Variants in RPS6KA2 observed in about 807,000 individuals in gnomAD.
RPS6KA2 encodes ribosomal protein S6 kinase alpha-2.
In RPS6KA2, 42 loss-of-function variants were observed where a neutral mutation model predicts 91.8. The ratio of observed to expected loss-of-function variants is 0.46; its 90% CI spans 0.36 to 0.59. The LOEUF (loss-of-function observed/expected upper bound fraction) is 0.59. Ranked by LOEUF, RPS6KA2 falls within the 20% of genes least tolerant of loss-of-function variation. The probability of loss-of-function intolerance (pLI) is 0.00; values close to 1 mark genes in which losing one functional copy is unlikely to be tolerated. For missense variants in RPS6KA2, 798 were observed against 978.5 expected (o/e 0.82, Z 2.46); for synonymous variants, 414 against 393.6 (o/e 1.05, Z -0.61).
chr6:166,702,833 T>C, intron 2 of RPS6KA2: 1 of 1,008,944 alleles, frequency 9.9e-7, no homozygotes, highest in Non-Finnish European at 1.5e-6. Context: ...ATATACGGTT[T>C]GTTCATTGTG....
In RPS6KA2 at chr6:166,602,318, C is replaced by G. The variant is rs994041175; in HGVS notation, c.99+24603G>C. Among the ~76,000 whole-genome samples the G allele has an allele frequency of 2.0e-5, 3 of 152,224 alleles. No homozygotes were observed. The East Asian group carries it at 5.8e-4, about 29-fold the overall frequency. ...GGTAACATTTACTATAGTTGAAGAT[C>G]GTGTGCTCCATGACCCAGCAATCTC... On this transcript the variant is annotated intron_variant, in intron 1 of 20. Transcript: ENST00000265678.
intron 6 of RPS6KA2, among the ~76,000 whole-genome samples, chr6:166,502,482 G>A (rs571794688): frequency 6.6e-5 from 10 of 152,138 alleles, no homozygotes; most frequent in African/African-American, 2.2e-4. Flanking sequence ...TAGCTGTAAG[G>A]ATCACGCTGA....
At chr6:166,515,714 C>T (rs4327671) in intron 3 of RPS6KA2, among the ~76,000 whole-genome samples, 13,954 of 152,120 alleles carry the variant, frequency 0.092, 2,206 homozygotes, top group African/African-American at 0.32. Context: ...CAAAGAATGT[C>T]TCTGTGAAAG....
At chr6:166,745,761 G>A (rs557441468) in intron 2 of RPS6KA2, among the ~76,000 whole-genome samples, 123 of 152,308 alleles carry the variant, frequency 8.1e-4, no homozygotes, top group African/African-American at 2.7e-3. Context: ...TATCTACCTC[G>A]GGTGTGTGAG....
intron 2 of RPS6KA2, among the ~76,000 whole-genome samples, chr6:166,675,147 T>G (rs2128562599): frequency 6.6e-6 from 1 of 152,304 alleles, no homozygotes; most frequent in East Asian, 1.9e-4. Context: ...CTGCCCAGCT[T>G]GCCAGCAAGC....
Position 166,412,432 on chromosome 6 carries a change from C to A in RPS6KA2, c.*330G>T, listed in dbSNP as rs974880398. The stretch of plus-strand genomic sequence containing the variant: ...CCGGCTTCATAATTGGAAAACAGAT[C>A]TCTCGGCAGAAACAGAAGCCATGTA... On this transcript the variant is annotated 3_prime_UTR_variant, in exon 21 of 21. Coordinates refer to ENST00000265678, the MANE Select transcript of RPS6KA2 (RefSeq NM_021135.6). The surrounding 1 kb of genome is among the most constrained non-coding windows in gnomAD (Gnocchi z 4.3). 5 of 179,722 alleles carry A rather than the reference C, an allele frequency of 2.8e-5. No individual in the cohort carries two copies. The East Asian group carries it at 7.0e-4, about 25-fold the overall frequency. 11.1% of individuals were successfully genotyped at this position (179,722 alleles called of 1,614,324 possible).
At chr6:166,791,433 A>T (rs1367082759) in intron 2 of RPS6KA2, among the ~76,000 whole-genome samples, 2 of 152,194 alleles carry the variant, frequency 1.3e-5, no homozygotes, top group East Asian at 3.8e-4. Flanking sequence ...TTAACACCCC[A>T]CTGTTAACAT....
rs549205248 is a variant in RPS6KA2 at position 166,669,267 on chromosome 6, C to G, written c.124-130483G>C. 1.3e-3 allele frequency among the ~76,000 whole-genome samples: 203 copies of G among 152,244 alleles called. 1 individual carries two copies. The highest frequency in any genetic ancestry group is 4.1e-3 in the African/African-American group (171 of 41,546). On this transcript the variant is annotated intron_variant, in intron 2 of 21. Coordinates refer to the RPS6KA2 transcript ENST00000503859. ...CTGGGGGATCAGCACCTGCTCCTTC[C>G]CCCGGGCTGCCTGTCTCTCTGGCAC... is the stretch of plus-strand genomic sequence containing the variant.
At chr6:166,741,515 G>A (rs905857982) in intron 2 of RPS6KA2, among the ~76,000 whole-genome samples, 2 of 152,146 alleles carry the variant, frequency 1.3e-5, no homozygotes, top group African/African-American at 4.8e-5. Context: ...ATATTAAACC[G>A]GCACTCAAGT....
At chr6:166,469,323 G>GTTT (rs1173909271) in intron 11 of RPS6KA2, among the ~76,000 whole-genome samples, 97 of 101,468 alleles carry the variant, frequency 9.6e-4, no homozygotes, top group Non-Finnish European at 1.5e-3. Flanking sequence ...ACTCGGCACT[G>GTTT]TTGTTTTTTT....
chr6:166,538,605 C>G, intron 2 of RPS6KA2, 63 bp downstream of exon 2: 1 of 911,964 alleles, frequency 1.1e-6, no homozygotes, highest in Non-Finnish European at 1.8e-6. Flanking sequence ...TCCAGGGGGG[C>G]TCTGTCCAGG....
At chr6:166,809,041 TTAGCCAGAGTAGAAAGCTCAG>T (rs1779566824) in intron 2 of RPS6KA2, among the ~76,000 whole-genome samples, 2 of 152,256 alleles carry the variant, frequency 1.3e-5, no homozygotes, top group African/African-American at 4.8e-5. Context: ...AATAGATCAA[TTAGCCAGAGTAGAAAGCTCAG>T]AGAGAGACCA....
intron 2 of RPS6KA2, among the ~76,000 whole-genome samples, chr6:166,675,614 G>A (rs1162314973): frequency 6.6e-6 from 1 of 151,024 alleles, no homozygotes; most frequent in East Asian, 1.9e-4. Flanking sequence ...TTCTCGGTGG[G>A]TTAAGACATA....
At chr6:166,850,284 T>G (rs1487479397) in intron 2 of RPS6KA2, among the ~76,000 whole-genome samples, 1 of 151,982 alleles carries the variant, frequency 6.6e-6, no homozygotes, top group Non-Finnish European at 1.5e-5. Flanking sequence ...CCTTGCATCT[T>G]ACCCAAACAC....
Position 166,419,686 on chromosome 6 carries a change from T to C in RPS6KA2, c.1820+196A>G, listed in dbSNP as rs186820304. On this transcript the variant is annotated intron_variant, in intron 18 of 20. Transcript: ENST00000265678. This position sits in a 1 kb window ranked among gnomAD's most constrained non-coding sequence, Gnocchi z 5.6. Reference sequence around the variant, plus strand: ...AGAAAATGGGTGGCTACATTTCTTGTCCTTGTTGTTCAGTTGTCCTGAGGG... The same window carrying C: ...AGAAAATGGGTGGCTACATTTCTTGCCCTTGTTGTTCAGTTGTCCTGAGGG... 6.6e-6 allele frequency among the ~76,000 whole-genome samples: 1 copy of C among 152,366 alleles called. No individual in the cohort carries two copies. Among genetic ancestry groups the C allele is most frequent in the East Asian group, 1.9e-4 (1 of 5,186 alleles).
At chr6:166,646,364 A>G (rs1787601779) in intron 2 of RPS6KA2, among the ~76,000 whole-genome samples, 1 of 152,186 alleles carries the variant, frequency 6.6e-6, no homozygotes, top group Non-Finnish European at 1.5e-5. Flanking sequence ...TGAGAGCCAA[A>G]CCTTCCAAGA....
At chr6:166,479,248 G>A (rs1781097054) in intron 10 of RPS6KA2, among the ~76,000 whole-genome samples, 1 of 152,188 alleles carries the variant, frequency 6.6e-6, no homozygotes, top group Non-Finnish European at 1.5e-5. Context: ...GGTCCCCAGA[G>A]CCTAGCCCAC....
intron 2 of RPS6KA2, among the ~76,000 whole-genome samples, chr6:166,848,293 C>CTT (rs1355944050): frequency 6.6e-6 from 1 of 152,136 alleles, no homozygotes; most frequent in African/African-American, 2.4e-5. Context: ...AAAGGGAACA[C>CTT]TTTTACACTG....
At chr6:166,497,967 G>A (rs1373966388) in intron 8 of RPS6KA2, among the ~76,000 whole-genome samples, 6 of 152,160 alleles carry the variant, frequency 3.9e-5, no homozygotes, top group African/African-American at 1.4e-4. Context: ...CTGGGAGAGT[G>A]GGATTGGGGG....
Sources: allele counts gnomAD v4.1 joint callset (sites outside exome capture counted in the v4.1 genomes callset), GRCh38; gene constraint gnomAD v4.1.1; non-coding constraint Gnocchi (gnomAD v3.1); transcripts MANE v1.5; gene names NCBI Gene and HGNC (gene_info 2026-07-23, HGNC 2026-07-21).